Variants in FIRRM observed in about 807,000 individuals in gnomAD.
The protein encoded by FIRRM is FIGNL1-interacting regulator of recombination and mitosis.
chr1:169,839,325 C>G, the FIRRM span, among the ~76,000 whole-genome samples: 3 of 152,112 alleles, frequency 2.0e-5, no homozygotes, highest in Non-Finnish European at 4.4e-5. Flanking sequence ...GTTCTGAGTT[C>G]TTTGAGAAAT....
At chr1:169,835,082 A>G in the FIRRM span, among the ~76,000 whole-genome samples, 1 of 152,190 alleles carries the variant, frequency 6.6e-6, no homozygotes, top group Non-Finnish European at 1.5e-5. Flanking sequence ...TAGAGAAAAA[A>G]GGAGAAGTGA....
chr1:169,847,620 T>C, the FIRRM span: 1 of 1,113,010 alleles, frequency 9.0e-7, no homozygotes, highest in Non-Finnish European at 1.3e-6. Context: ...ATCCAAATCT[T>C]AGGCAGTTAT....
chr1:169,849,355 G>T, the FIRRM span: 2 of 607,006 alleles, frequency 3.3e-6, no homozygotes. Context: ...GTAAAAGAGT[G>T]ACATTACCTA....
chr1:169,792,306 A>G, the FIRRM span, among the ~76,000 whole-genome samples: 1 of 152,216 alleles, frequency 6.6e-6, no homozygotes, highest in African/African-American at 2.4e-5. Flanking sequence ...GTAACGTCAA[A>G]GGTGGTAAAA....
the FIRRM span, chr1:169,803,226 C>T: frequency 6.2e-7 from 1 of 1,614,004 alleles, no homozygotes; most frequent in Non-Finnish European, 8.5e-7. Context: ...CTGTGCCACA[C>T]AGGAATCCAT....
chr1:169,849,770 C>G, the FIRRM span: 1 of 606,134 alleles, frequency 1.6e-6, no homozygotes, highest in South Asian at 2.0e-5. Flanking sequence ...CAAAATGAGG[C>G]TTAGATAAAT....
the FIRRM span, among the ~76,000 whole-genome samples, chr1:169,838,885 C>A: frequency 6.6e-6 from 1 of 152,126 alleles, no homozygotes; most frequent in South Asian, 2.1e-4. Context: ...GATTTCATCA[C>A]CCAGGTACTC....
the FIRRM span, chr1:169,852,284 A>G: frequency 5.0e-5 from 16 of 318,844 alleles, no homozygotes; most frequent in Admixed American, 5.3e-4. Flanking sequence ...TTATTAATCA[A>G]ATGAGTCTCC....
the FIRRM span, chr1:169,852,798 A>C: frequency 1.9e-6 from 3 of 1,613,928 alleles, no homozygotes; most frequent in Non-Finnish European, 2.5e-6. Flanking sequence ...AGCCTTATGC[A>C]AAAAGAGCTC....
At chr1:169,815,253 G>A in the FIRRM span, among the ~76,000 whole-genome samples, 5 of 150,134 alleles carry the variant, frequency 3.3e-5, no homozygotes, top group African/African-American at 7.4e-5. Flanking sequence ...CCGAGATCGC[G>A]CCACTGCACT....
chr1:169,789,309 T>A, the FIRRM span, among the ~76,000 whole-genome samples: 2 of 152,204 alleles, frequency 1.3e-5, no homozygotes, highest in Admixed American at 1.3e-4. Context: ...ATGGACGGCA[T>A]TGAAAAGTGA....
chr1:169,795,548 A>G, the FIRRM span: 1 of 1,067,764 alleles, frequency 9.4e-7, no homozygotes, highest in Non-Finnish European at 1.1e-6. Flanking sequence ...GCTAGTGGAT[A>G]ATGGGGGAGG....
the FIRRM span, among the ~76,000 whole-genome samples, chr1:169,796,309 G>A: frequency 1.3e-5 from 2 of 152,342 alleles, no homozygotes; most frequent in East Asian, 3.9e-4. Context: ...ATGGTGTTAG[G>A]CTTTGGGAGA....
At chr1:169,837,027 C>G in the FIRRM span, 10 of 1,613,972 alleles carry the variant, frequency 6.2e-6, no homozygotes, top group East Asian at 2.2e-4. Context: ...AGGGAACAAA[C>G]TGTCCATGAG....
chr1:169,787,670 C>G, the FIRRM span, among the ~76,000 whole-genome samples: 7 of 152,284 alleles, frequency 4.6e-5, no homozygotes, highest in African/African-American at 1.7e-4. Flanking sequence ...TCTGCCTTAC[C>G]ATGCTTTAAC....
At chr1:169,811,090 G>C in the FIRRM span, among the ~76,000 whole-genome samples, 1 of 151,328 alleles carries the variant, frequency 6.6e-6, no homozygotes, top group Non-Finnish European at 1.5e-5. Context: ...TCGATCTCCT[G>C]ACCTCATGAT....
chr1:169,840,511 C>CTTTTTT, the FIRRM span, among the ~76,000 whole-genome samples: 1 of 141,594 alleles, frequency 7.1e-6, no homozygotes. Flanking sequence ...TTTCTTTTTT[C>CTTTTTT]TTTTTTTTTT....
the FIRRM span, among the ~76,000 whole-genome samples, chr1:169,839,872 T>G: frequency 2.0e-5 from 3 of 152,224 alleles, no homozygotes; most frequent in African/African-American, 7.2e-5. Context: ...TATATTTAAA[T>G]CTTTAATCCA....
chr1:169,813,283 C>A, the FIRRM span, among the ~76,000 whole-genome samples: 2 of 152,128 alleles, frequency 1.3e-5, no homozygotes, highest in African/African-American at 4.8e-5. Flanking sequence ...AAAACTGGGC[C>A]ACAGAAAGGT....
Sources: gnomAD v4.1 joint callset for allele counts (sites outside exome capture counted in the v4.1 genomes callset) on GRCh38, gnomAD v4.1.1 for gene constraint, MANE v1.5 for transcripts, NCBI Gene and HGNC (gene_info 2026-07-23, HGNC 2026-07-21) for gene names.